The following BRINP1 variants were observed in gnomAD, a reference collection of about 807,000 sequenced individuals.
BRINP1 encodes the protein BMP/retinoic acid-inducible neural-specific protein 1.
A neutral mutation model predicts 72.9 loss-of-function variants in BRINP1; 17 were observed. The observed-to-expected ratio is 0.23, with a 90% CI of 0.16 to 0.35. BRINP1 has a LOEUF of 0.35. BRINP1 is among the 10% of genes least tolerant of loss of function. The probability of loss-of-function intolerance (pLI) is 1.00; values close to 1 mark genes in which losing one functional copy is unlikely to be tolerated. For synonymous variants in BRINP1, 418 were observed against 378.5 expected, an observed-to-expected ratio of 1.10 and a Z score of -1.21; for missense variants, 850 against 1,001.6, an observed-to-expected ratio of 0.85 and a Z score of 2.04.
intron 5 of BRINP1, among the ~76,000 whole-genome samples, chr9:119,217,964 C>G (rs997222945): frequency 2.0e-5 from 3 of 152,064 alleles, no homozygotes; most frequent in Admixed American, 1.3e-4. Flanking sequence ...ATCCCTTGTC[C>G]TATAATCCAG....
intron 1 of BRINP1, among the ~76,000 whole-genome samples, chr9:119,327,535 A>G (rs988000909): frequency 2.6e-5 from 4 of 152,212 alleles, no homozygotes; most frequent in Non-Finnish European, 4.4e-5. Flanking sequence ...TCAGAGTTTC[A>G]TTTTAGATGA....
chr9:119,331,254 A>G (rs1285414240), intron 1 of BRINP1, among the ~76,000 whole-genome samples: 1 of 152,182 alleles, frequency 6.6e-6, no homozygotes, highest in Non-Finnish European at 1.5e-5. Flanking sequence ...CAGGCATTTT[A>G]TCACTATGAG....
In BRINP1 at chr9:119,167,936, C is replaced by G. The variant is rs1193934046; in HGVS notation, c.1434G>C (p.Glu478Asp). Reference protein sequence around the residue: ...SERSEQFISFETDLDFQDLEL... With the variant: ...SERSEQFISFDTDLDFQDLEL... The stretch of plus-strand genomic sequence containing the variant: ...CCAGGTCCTGGAAGTCCAGGTCAGT[C>G]TCAAAGCTGATGAACTGCTCGCTCC... The change falls in exon 8 of 8, where the codon GAG becomes GAC. Residue 478 changes from glutamate to aspartate, a missense_variant. By Grantham distance (45) the Glu-to-Asp change is conservative (BLOSUM62 2). Transcript: ENST00000265922. This position sits in a 1 kb window ranked among gnomAD's most constrained non-coding sequence, Gnocchi z 4.3. The G allele has an allele frequency of 6.2e-7, 1 of 1,614,234 alleles. No individual in the cohort carries two copies.
At chr9:119,263,385 T>C (rs1368930866) in intron 2 of BRINP1, among the ~76,000 whole-genome samples, 3 of 152,042 alleles carry the variant, frequency 2.0e-5, no homozygotes, top group Admixed American at 1.3e-4. Context: ...AAACTCCTTC[T>C]CAAAGTACTG....
chr9:119,264,772 ACAATT>A (rs1830531794), intron 2 of BRINP1, among the ~76,000 whole-genome samples: 1 of 152,082 alleles, frequency 6.6e-6, no homozygotes, highest in Non-Finnish European at 1.5e-5. Flanking sequence ...CCGGGTTCAA[ACAATT>A]CTCTGCCTCA....
At chr9:119,207,301 A>G (rs1167711060) in intron 7 of BRINP1, among the ~76,000 whole-genome samples, 1 of 152,220 alleles carries the variant, frequency 6.6e-6, no homozygotes, top group Non-Finnish European at 1.5e-5. Flanking sequence ...GTGCCAGTAG[A>G]ACAGACTAGT....
chr9:119,210,338 C>T (rs745557252), intron 6 of BRINP1, among the ~76,000 whole-genome samples: 14 of 152,220 alleles, frequency 9.2e-5, no homozygotes, highest in Non-Finnish European at 1.0e-4. Flanking sequence ...GCTCCAAGGA[C>T]ATTTTAGGTA....
At chr9:119,347,818 A>C (rs1831465446) in intron 1 of BRINP1, among the ~76,000 whole-genome samples, 2 of 152,018 alleles carry the variant, frequency 1.3e-5, no homozygotes, top group East Asian at 3.9e-4. Context: ...TTTTTAAGAC[A>C]TTTTTAAGGA....
intron 1 of BRINP1, among the ~76,000 whole-genome samples, chr9:119,318,844 G>GGGGTGTGTGTGT (rs111313745): frequency 6.3e-5 from 9 of 142,146 alleles, no homozygotes; most frequent in African/African-American, 2.3e-4. Context: ...AAATGTGTGG[G>GGGGTGTGTGTGT]GTGTGTGTGT....
chr9:119,239,143 C>A (rs1830221568), intron 4 of BRINP1, among the ~76,000 whole-genome samples: 1 of 152,240 alleles, frequency 6.6e-6, no homozygotes, highest in African/African-American at 2.4e-5. Flanking sequence ...CAATTAATTT[C>A]TCTAAGTATC....
At chr9:119,265,638 GTCCTCAAATCA>G (rs1267804814) in intron 2 of BRINP1, among the ~76,000 whole-genome samples, 4 of 151,932 alleles carry the variant, frequency 2.6e-5, no homozygotes, top group Non-Finnish European at 5.9e-5. Context: ...CAAAAAATCA[GTCCTCAAATCA>G]TCGAGGAAAG....
At chr9:119,308,961 T>C (rs1231147805) in intron 2 of BRINP1, among the ~76,000 whole-genome samples, 1 of 138,854 alleles carries the variant, frequency 7.2e-6, no homozygotes, top group Non-Finnish European at 1.6e-5. Context: ...CTACTGATGA[T>C]CTCACAGTTA....
intron 1 of BRINP1, among the ~76,000 whole-genome samples, chr9:119,351,049 C>T (rs946095547): frequency 2.6e-5 from 4 of 151,988 alleles, no homozygotes; most frequent in Non-Finnish European, 4.4e-5. Flanking sequence ...GGTATTTGTC[C>T]TAATGTTCTC....
chr9:119,248,459 G>T (rs1432486315), intron 3 of BRINP1, among the ~76,000 whole-genome samples: 1 of 152,194 alleles, frequency 6.6e-6, no homozygotes, highest in Non-Finnish European at 1.5e-5. Flanking sequence ...GCCCTGATGG[G>T]GAGGGATGGG....
At chr9:119,189,133 CT>C (rs1213024699) in intron 7 of BRINP1, among the ~76,000 whole-genome samples, 1 of 151,880 alleles carries the variant, frequency 6.6e-6, no homozygotes, top group Non-Finnish European at 1.5e-5. Flanking sequence ...TACAAAATAT[CT>C]TATGTAAGCC....
At chr9:119,251,361 C>T (rs184070984) in intron 2 of BRINP1, among the ~76,000 whole-genome samples, 188 of 152,256 alleles carry the variant, frequency 1.2e-3, no homozygotes, top group Admixed American at 2.0e-3. Context: ...CTGAACTTTT[C>T]GGGCCTCTAG....
chr9:119,365,193 T>C (rs557792650), intron 1 of BRINP1, among the ~76,000 whole-genome samples: 6 of 152,244 alleles, frequency 3.9e-5, no homozygotes, highest in Non-Finnish European at 5.9e-5. Context: ...CAAAATAAGA[T>C]CTTGAGAAGA....
chr9:119,359,361 A>C (rs1248172318), intron 1 of BRINP1, among the ~76,000 whole-genome samples: 1 of 152,096 alleles, frequency 6.6e-6, no homozygotes, highest in African/African-American at 2.4e-5. Flanking sequence ...ACATCTGGCT[A>C]ATTATTTTTT....
intron 7 of BRINP1, among the ~76,000 whole-genome samples, chr9:119,193,585 G>A (rs1369557045): frequency 6.6e-6 from 1 of 152,180 alleles, no homozygotes; most frequent in Non-Finnish European, 1.5e-5. Flanking sequence ...TAGGTGAGAT[G>A]ATAGCTATGT....
Sources: gnomAD v4.1 joint callset for allele counts (sites outside exome capture counted in the v4.1 genomes callset) on GRCh38, gnomAD v4.1.1 for gene constraint, Gnocchi (gnomAD v3.1) non-coding constraint, MANE v1.5 for transcripts, NCBI Gene and HGNC (gene_info 2026-07-23, HGNC 2026-07-21) for gene names.